The following LRBA variants were observed in gnomAD, a reference collection of about 807,000 sequenced individuals.
LRBA encodes LPS responsive beige-like anchor protein.
LRBA carries 176 observed loss-of-function variants against 330.0 expected under a neutral mutation model. That is an observed-to-expected ratio of 0.53 (90% CI 0.47 to 0.60). The LOEUF (loss-of-function observed/expected upper bound fraction) is 0.60, where lower values mean the gene tolerates loss of function less well. Ranked by LOEUF, LRBA falls within the 20% of genes least tolerant of loss-of-function variation. The pLI is 0.00. For synonymous variants in LRBA, 1,230 were observed against 1,193.0 expected, an observed-to-expected ratio of 1.03 and a Z score of -0.64; for missense variants, 3,259 against 3,444.8, an observed-to-expected ratio of 0.95 and a Z score of 1.35.
intron 37 of LRBA, among the ~76,000 whole-genome samples, chr4:150,666,117 G>C (rs1781532740): frequency 6.6e-6 from 1 of 152,164 alleles, no homozygotes; most frequent in Non-Finnish European, 1.5e-5. Context: ...AGATTATGAT[G>C]ATGGTTTCAT....
chr4:150,438,024 G>C (rs146169935), intron 44 of LRBA, among the ~76,000 whole-genome samples: 3 of 152,350 alleles, frequency 2.0e-5, no homozygotes, highest in East Asian at 3.9e-4. Flanking sequence ...ATATGCTTGA[G>C]AGTCTCAAAG....
At chr4:150,473,528 G>A (rs1298830329) in intron 42 of LRBA, among the ~76,000 whole-genome samples, 1 of 152,122 alleles carries the variant, frequency 6.6e-6, no homozygotes, top group Non-Finnish European at 1.5e-5. Context: ...ATTGAGGACT[G>A]AATACAATGA....
chr4:150,422,742 G>T, intron 46 of LRBA: 2 of 1,064,256 alleles, frequency 1.9e-6, no homozygotes, highest in Non-Finnish European at 2.9e-6. Context: ...GGGCCCAAAG[G>T]GCTTCTTCAT....
intron 30 of LRBA, among the ~76,000 whole-genome samples, chr4:150,825,811 T>C (rs1038330510): frequency 6.6e-6 from 1 of 152,182 alleles, no homozygotes; most frequent in South Asian, 2.1e-4. Flanking sequence ...GGAAAAGTCA[T>C]GACATTATAA....
At chr4:150,937,364 T>G (rs1314780541) in intron 2 of LRBA, among the ~76,000 whole-genome samples, 3 of 152,160 alleles carry the variant, frequency 2.0e-5, no homozygotes, top group Non-Finnish European at 4.4e-5. Flanking sequence ...GTACAGGCAT[T>G]GGCTAGTTAT....
chr4:150,718,518 C>T (rs1367587900), intron 36 of LRBA, among the ~76,000 whole-genome samples: 1 of 151,850 alleles, frequency 6.6e-6, no homozygotes, highest in African/African-American at 2.4e-5. Context: ...ACAGTTAGAA[C>T]ATGAGCATAC....
At chr4:150,473,204 T>C (rs1181352316) in intron 42 of LRBA, among the ~76,000 whole-genome samples, 9 of 152,214 alleles carry the variant, frequency 5.9e-5, no homozygotes, top group Admixed American at 2.0e-4. Flanking sequence ...ATGTATGTTG[T>C]TGAGCATCTT....
At chr4:150,980,345 T>C (rs192438040) in intron 2 of LRBA, among the ~76,000 whole-genome samples, 11 of 152,244 alleles carry the variant, frequency 7.2e-5, no homozygotes, top group African/African-American at 2.2e-4. Context: ...ATAAAAGCCA[T>C]ATATGACAAC....
chr4:150,831,695 T>C (rs1747216092), intron 29 of LRBA, 122 bp downstream of exon 29: 1 of 623,048 alleles, frequency 1.6e-6, no homozygotes, highest in South Asian at 4.2e-5. Context: ...TAAAAATATA[T>C]GTATGCTCTC....
chr4:150,590,833 C>T lies in LRBA; in HGVS notation c.6073G>A (p.Gly2025Arg), dbSNP rs745322404. 1 of 1,613,820 alleles carries T rather than the reference C, an allele frequency of 6.2e-7. No homozygotes were observed. The highest frequency in any genetic ancestry group is 8.5e-7 in the Non-Finnish European group (1 of 1,179,854). ...GCCTGACTCCTGATGGACTGTTTTCCTTTAGCAAGGATATCTTCATCTGTG... is the reference window on the plus strand; with the variant it reads ...GCCTGACTCCTGATGGACTGTTTTCTTTTAGCAAGGATATCTTCATCTGTG... ...HATDEDILAK[G>R]KQSIRSQALG... Residue 2025 changes from glycine to arginine, a missense_variant, in exon 39 of 57, where the codon GGA (glycine) becomes AGA (arginine). By Grantham distance (125) the Gly-to-Arg change is moderately radical. Transcript: ENST00000651943.
chr4:150,489,263 A>AATATATAATATATTATATATAC lies in LRBA; in HGVS notation c.6449-1430_6449-1429insGTATATATAATATATTATATAT, dbSNP rs1561250364. 1.8e-3 allele frequency among the ~76,000 whole-genome samples: 131 copies of AATATATAATATATTATATATAC among 71,546 alleles called. 3 individuals are homozygous for AATATATAATATATTATATATAC. Among genetic ancestry groups the AATATATAATATATTATATATAC allele is most frequent in the East Asian group, 3.7e-3 (8 of 2,190 alleles). 46.9% of individuals were successfully genotyped at this position (71,546 alleles called of 152,430 possible). On this transcript the variant is annotated intron_variant, in intron 41 of 56. Coordinates refer to ENST00000651943, the MANE Select transcript of LRBA (RefSeq NM_001364905.1). ...ACGAATATATAATATATTATATATAAGAATATATAATATATTATATATAAG... is the reference window on the plus strand; with the variant it reads ...ACGAATATATAATATATTATATATAAATATATAATATATTATATATACGAATATATAATATATTATATATAAG...
chr4:150,422,797 T>A (rs1194709119), intron 46 of LRBA: 1 of 1,469,576 alleles, frequency 6.8e-7, no homozygotes, highest in South Asian at 1.1e-5. Flanking sequence ...TAGACCTGCA[T>A]GTGCTGCGGT....
intron 36 of LRBA, among the ~76,000 whole-genome samples, chr4:150,708,508 C>T (rs1785859213): frequency 6.6e-6 from 1 of 151,726 alleles, no homozygotes; most frequent in Non-Finnish European, 1.5e-5. Flanking sequence ...AATGAATAAT[C>T]CTTCTTAAAC....
At chr4:150,685,617 T>C (rs894338329) in intron 36 of LRBA, among the ~76,000 whole-genome samples, 5 of 149,806 alleles carry the variant, frequency 3.3e-5, no homozygotes, top group Non-Finnish European at 7.4e-5. Flanking sequence ...TGTATTTTAG[T>C]AGAGATGGGG....
chr4:150,565,537 G>A (rs988458173), intron 40 of LRBA, among the ~76,000 whole-genome samples: 1 of 151,934 alleles, frequency 6.6e-6, no homozygotes, highest in Non-Finnish European at 1.5e-5. Flanking sequence ...TAAAATCTAT[G>A]TTTTATATTG....
chr4:150,553,607 T>A (rs868606194), intron 40 of LRBA, among the ~76,000 whole-genome samples: 192 of 152,178 alleles, frequency 1.3e-3, no homozygotes, highest in African/African-American at 4.4e-3. Context: ...TCCAAAAAAT[T>A]GTCAAGTCAG....
rs1750337273 is a variant in LRBA at position 150,849,499 on chromosome 4, T to C, written c.4081A>G (p.Ile1361Val). 1.2e-6 allele frequency: 2 copies of C among 1,603,314 alleles called. No individual in the cohort carries two copies. Among genetic ancestry groups the C allele is most frequent in the South Asian group, 1.1e-5 (1 of 90,896 alleles). ...VIFVHNTIHL[I>V]SQVMDNMVMA... Reference sequence around the variant, plus strand: ...ACCATATTGTCCATCACTTGAGAGATGAGATGAATTGTGTTGTGTACAAAG... The same window carrying C: ...ACCATATTGTCCATCACTTGAGAGACGAGATGAATTGTGTTGTGTACAAAG... Residue 1361 changes from isoleucine (I) to valine (V), a missense_variant, in exon 25 of 57, where the codon ATC (isoleucine) becomes GTC (valine). Transcript: ENST00000651943.
At position 150,435,570 on chromosome 4, in the gene LRBA, A is replaced by C; in HGVS notation, c.7041+19T>G. 1 of 1,596,058 alleles carries C rather than the reference A, an allele frequency of 6.3e-7. No individual in the cohort carries two copies. The highest frequency in any genetic ancestry group is 8.5e-7 in the Non-Finnish European group (1 of 1,175,096). ...TAATGCACTGGCAATAACAACTATAAAACAAAACATTTCTGTACCTTAATA... is the reference window on the plus strand; with the variant it reads ...TAATGCACTGGCAATAACAACTATACAACAAAACATTTCTGTACCTTAATA... On this transcript the variant is annotated intron_variant, in intron 46 of 56. Transcript: ENST00000651943.
At chr4:150,790,522 C>T (rs1399207244) in intron 34 of LRBA, among the ~76,000 whole-genome samples, 1 of 152,132 alleles carries the variant, frequency 6.6e-6, no homozygotes, top group Non-Finnish European at 1.5e-5. Context: ...TGTTTCAAGA[C>T]AAATGTTTCC....
Sources: allele counts gnomAD v4.1 joint callset (sites outside exome capture counted in the v4.1 genomes callset), GRCh38; gene constraint gnomAD v4.1.1; transcripts MANE v1.5; gene names NCBI Gene and HGNC (gene_info 2026-07-23, HGNC 2026-07-21).